BFSP1: variants seen among roughly 807,000 people sequenced by gnomAD.
The protein encoded by BFSP1 is beaded filament structural protein 1, also known as filensin.
A neutral mutation model predicts 43.9 loss-of-function variants in BFSP1; 38 were observed. The ratio of observed to expected loss-of-function variants is 0.87; its 90% CI spans 0.67 to 1.14. The LOEUF is 1.14. Among genes scored for constraint, BFSP1 ranks in the 50% most tolerant of loss-of-function variants. The pLI, the probability that BFSP1 is intolerant of heterozygous loss-of-function variation, is 0.00. For missense variants in BFSP1, 850 were observed against 875.1 expected (o/e 0.97, Z 0.36); for synonymous variants, 352 against 354.8 (o/e 0.99, Z 0.09).
chr20:17,499,601 C>A (rs767551474), intron 5 of BFSP1, among the ~76,000 whole-genome samples: 4 of 151,930 alleles, frequency 2.6e-5, no homozygotes, highest in Non-Finnish European at 4.4e-5. Flanking sequence ...AGGCCCACCC[C>A]AAAGGCAGTC....
chr20:17,513,834 G>A (rs2034141119), intron 3 of BFSP1, among the ~76,000 whole-genome samples: 1 of 152,242 alleles, frequency 6.6e-6, no homozygotes, highest in Non-Finnish European at 1.5e-5. Flanking sequence ...TCACCACTGT[G>A]GGCACCTGGA....
upstream of BFSP1, among the ~76,000 whole-genome samples, chr20:17,561,391 C>T (rs569267361): frequency 2.6e-5 from 4 of 151,898 alleles, no homozygotes; most frequent in East Asian, 1.9e-4. Context: ...CCCAGCTACT[C>T]GGGAGGCTGA....
chr20:17,563,351 A>ACCCT (rs1167793501), upstream of BFSP1, among the ~76,000 whole-genome samples: 9 of 51,728 alleles, frequency 1.7e-4, no homozygotes, highest in Admixed American at 6.3e-4. Flanking sequence ...TCTGGAACCC[A>ACCCT]CCCTCCCTCC....
intron 2 of BFSP1, chr20:17,516,773 C>A (rs1459028957): frequency 4.7e-6 from 2 of 425,106 alleles, no homozygotes; most frequent in Non-Finnish European, 8.6e-6. Flanking sequence ...CAATGTGCAA[C>A]CCTTAGGAAT....
chr20:17,539,492 C>T (rs2034681663), intron 1 of BFSP1, among the ~76,000 whole-genome samples: 1 of 151,950 alleles, frequency 6.6e-6, no homozygotes, highest in Admixed American at 6.6e-5. Context: ...ATCTGGCTCT[C>T]GCCCAGCACT....
intron 5 of BFSP1, among the ~76,000 whole-genome samples, chr20:17,503,553 A>G (rs1472038648): frequency 6.6e-6 from 1 of 152,176 alleles, no homozygotes; most frequent in Non-Finnish European, 1.5e-5. Context: ...AAGGGCTGTC[A>G]TTATTTCCAC....
Position 17,530,936 on chromosome 20 carries a change from C to G in BFSP1, c.377+17G>C. 2 of 1,402,720 alleles carry G rather than the reference C, an allele frequency of 1.4e-6. No individual in the cohort carries two copies. The highest frequency in any genetic ancestry group is 1.8e-6 in the Non-Finnish European group (2 of 1,081,248). The allele number at this position is 1,402,720 out of a possible 1,614,324, so 86.9% of individuals were successfully genotyped here. A position where few individuals can be genotyped will look rare whatever the true frequency, so the allele number is the denominator to read the frequency against. On this transcript the variant is annotated intron_variant, in intron 1 of 7. Transcript: ENST00000377873. ...GCCCACGCCCTGCCTCGGTTTCCCC[C>G]GATGGCCGCCGCTTACTTGCTTCGG...
chr20:17,518,786 G>A (rs1010127991), intron 2 of BFSP1, among the ~76,000 whole-genome samples: 1 of 152,192 alleles, frequency 6.6e-6, no homozygotes, highest in Non-Finnish European at 1.5e-5. Flanking sequence ...TCAAGGACCT[G>A]TCCTCAGAGT....
At chr20:17,498,752 C>A in intron 6 of BFSP1, 68 bp downstream of exon 6, 1 of 1,525,032 alleles carries the variant, frequency 6.6e-7, no homozygotes, top group Non-Finnish European at 8.9e-7. Flanking sequence ...GTGCCTGGCA[C>A]ACAATAGGCA....
At chr20:17,509,047 G>A in intron 4 of BFSP1, 51 bp from the exon 5 acceptor site, 1 of 1,380,602 alleles carries the variant, frequency 7.2e-7, no homozygotes, top group Non-Finnish European at 9.6e-7. Context: ...GAGAGGAAAA[G>A]GGCAGAGAAG....
At chr20:17,547,343 C>T (rs1274711652) in intron 1 of BFSP1, among the ~76,000 whole-genome samples, 1 of 152,084 alleles carries the variant, frequency 6.6e-6, no homozygotes, top group Non-Finnish European at 1.5e-5. Context: ...CTGCTTCCTG[C>T]TGAACAGGGT....
chr20:17,512,505 C>A (rs1344345183), intron 3 of BFSP1, among the ~76,000 whole-genome samples: 1 of 152,104 alleles, frequency 6.6e-6, no homozygotes, highest in East Asian at 1.9e-4. Flanking sequence ...TTGCTTGAGC[C>A]CAGGAGTTGG....
Position 17,558,401 on chromosome 20 carries a change from C to T in BFSP1, c.2+287G>A, listed in dbSNP as rs17718326. Among the ~76,000 whole-genome samples the T allele has an allele frequency of 8.4e-3, 1,275 of 152,286 alleles. 10 individuals carry two copies. The highest frequency in any genetic ancestry group is 0.012 in the Non-Finnish European group (826 of 68,022). On this transcript the variant is annotated intron_variant, in intron 1 of 7. Coordinates refer to the BFSP1 transcript ENST00000377868. ...GGGAAACTCAAGAATCCAGGCCTTG[C>T]GTGCTGCTCTTTTTTCTCTGAAAGC...
intron 1 of BFSP1, among the ~76,000 whole-genome samples, chr20:17,537,807 T>C (rs886658100): frequency 2.0e-5 from 3 of 152,112 alleles, no homozygotes; most frequent in Non-Finnish European, 4.4e-5. Flanking sequence ...TTTTAAACAT[T>C]GTATTACGAC....
chr20:17,505,795 T>C (rs2033921999), intron 5 of BFSP1, among the ~76,000 whole-genome samples: 1 of 152,060 alleles, frequency 6.6e-6, no homozygotes, highest in Non-Finnish European at 1.5e-5. Context: ...CACCTAGACA[T>C]GCAGCATCCC....
intron 5 of BFSP1, among the ~76,000 whole-genome samples, chr20:17,508,579 G>A (rs1371892230): frequency 6.6e-6 from 1 of 152,148 alleles, no homozygotes; most frequent in Non-Finnish European, 1.5e-5. Flanking sequence ...AGACACTGGG[G>A]CAGCCTAAGC....
chr20:17,500,867 A>T (rs1288167898), intron 5 of BFSP1, among the ~76,000 whole-genome samples: 2 of 152,224 alleles, frequency 1.3e-5, no homozygotes, highest in African/African-American at 2.4e-5. Context: ...TTGAGTAGGA[A>T]AGAATTTGAC....
upstream of BFSP1, chr20:17,560,933 A>AT (rs2070855309): frequency 6.6e-6 from 1 of 151,784 alleles, no homozygotes; most frequent in South Asian, 2.1e-4. Flanking sequence ...CAGTCCTTTC[A>AT]TTTTTTCTAA....
Position 17,531,041 on chromosome 20 carries a change from G to A in BFSP1, c.289C>T (p.Gln97Ter). ...ALARQVESNR[Q>*]RVRDLEAERA... ...TCGGCCTCCAGGTCCCGGACGCGCTGGCGGTTGCTCTCGACTTGGCGGGCG... is the reference window on the plus strand; with the variant it reads ...TCGGCCTCCAGGTCCCGGACGCGCTAGCGGTTGCTCTCGACTTGGCGGGCG... The change falls in exon 1 of 8, where the codon CAG becomes TAG. Residue 97 changes from glutamine to a stop codon, truncating the protein, a stop_gained. Coordinates refer to ENST00000377873, the MANE Select transcript of BFSP1 (RefSeq NM_001195.5). LOFTEE classifies it high-confidence loss of function. 1 of 1,420,716 alleles carries A rather than the reference G, an allele frequency of 7.0e-7. No homozygotes were observed. The highest frequency in any genetic ancestry group is 1.4e-5 in the South Asian group (1 of 69,504). 88.0% of individuals were successfully genotyped at this position (1,420,716 alleles called of 1,614,324 possible).
Sources: allele counts gnomAD v4.1 joint callset (sites outside exome capture counted in the v4.1 genomes callset), GRCh38; gene constraint gnomAD v4.1.1; transcripts MANE v1.5; gene names NCBI Gene and HGNC (gene_info 2026-07-23, HGNC 2026-07-21).